Variants in RFX3 observed in about 807,000 individuals in gnomAD.
The protein encoded by RFX3 is transcription factor RFX3.
A neutral mutation model predicts 98.6 loss-of-function variants in RFX3; 14 were observed. The observed-to-expected ratio is 0.14, with a 90% CI of 0.09 to 0.22. The LOEUF is 0.22. Among genes scored for constraint, RFX3 ranks in the 10% least tolerant of loss-of-function variants. The probability of loss-of-function intolerance (pLI) is 1.00; values close to 1 mark genes in which losing one functional copy is unlikely to be tolerated. For missense variants in RFX3, 639 were observed against 926.9 expected, an observed-to-expected ratio of 0.69 and a Z score of 4.03; for synonymous variants, 383 against 328.4, an observed-to-expected ratio of 1.17 and a Z score of -1.80.
chr9:3,305,109 C>T (rs1016086911), intron 4 of RFX3, among the ~76,000 whole-genome samples: 1 of 151,914 alleles, frequency 6.6e-6, no homozygotes, highest in Non-Finnish European at 1.5e-5. Context: ...TAGGAAGAAT[C>T]GACTTAATAG....
intron 8 of RFX3, among the ~76,000 whole-genome samples, chr9:3,276,089 T>G (rs1825176054): frequency 6.6e-6 from 1 of 152,088 alleles, no homozygotes; most frequent in Admixed American, 6.6e-5. Context: ...TTAACAACAT[T>G]AATTTGATGT....
intron 2 of RFX3, among the ~76,000 whole-genome samples, chr9:3,357,255 G>A (rs774447438): frequency 8.6e-5 from 13 of 151,680 alleles, no homozygotes; most frequent in Non-Finnish European, 1.2e-4. Context: ...TAGCCTCTCC[G>A]CTCCTTTATA....
At chr9:3,344,619 T>C in intron 3 of RFX3, 1 of 542,756 alleles carries the variant, frequency 1.8e-6, no homozygotes, top group Non-Finnish European at 3.3e-6. Context: ...TTTTCCCTTG[T>C]CACATTCTAC....
rs1845376155 is a variant in RFX3, at chr9:3,438,745, C to G, written c.-8-43149G>C. Among the ~76,000 whole-genome samples, 6 of 151,980 alleles carry G rather than the reference C, an allele frequency of 3.9e-5. No individual in the cohort carries two copies. In the South Asian group the frequency reaches 1.2e-3, roughly 32 times the overall value. ...GAAATCTAGAGTGGCTATACTGTAT[C>G]AGAAAGAAAGTTGATTTCAGAACAG... On this transcript the variant is annotated intron_variant, in intron 1 of 16. Transcript: ENST00000617270.
intron 1 of RFX3, among the ~76,000 whole-genome samples, chr9:3,463,049 T>C (rs138723037): frequency 6.6e-6 from 1 of 152,190 alleles, no homozygotes; most frequent in African/African-American, 2.4e-5. Context: ...CTTTTAAAAA[T>C]GTATATGAAA....
chr9:3,326,949 A>G (rs974390862), intron 4 of RFX3, among the ~76,000 whole-genome samples: 5 of 152,168 alleles, frequency 3.3e-5, no homozygotes, highest in African/African-American at 7.2e-5. Context: ...TTTCGGCCAC[A>G]GTATATGCTA....
chr9:3,477,517 G>A (rs909278504), intron 1 of RFX3, among the ~76,000 whole-genome samples: 1 of 152,114 alleles, frequency 6.6e-6, no homozygotes, highest in African/African-American at 2.4e-5. Flanking sequence ...AGCCTCCAGG[G>A]TTTCTCGTAA....
chr9:3,353,082 C>T (rs915623621), intron 2 of RFX3, among the ~76,000 whole-genome samples: 2 of 151,416 alleles, frequency 1.3e-5, no homozygotes, highest in South Asian at 4.2e-4. Flanking sequence ...TCATTCTCAG[C>T]AAACTATCGC....
At chr9:3,499,136 A>C (rs1851310969) in intron 1 of RFX3, among the ~76,000 whole-genome samples, 1 of 152,118 alleles carries the variant, frequency 6.6e-6, no homozygotes, top group Admixed American at 6.6e-5. Flanking sequence ...TATCATCTAC[A>C]TTTCAATTAT....
intron 1 of RFX3, among the ~76,000 whole-genome samples, chr9:3,468,280 T>C (rs1266786959): frequency 6.6e-6 from 1 of 152,118 alleles, no homozygotes. Flanking sequence ...AAATAACAAA[T>C]ACTAACATAC....
rs778586900 is a variant in RFX3, at chr9:3,225,242, G to C, written c.2050C>G (p.Leu684Val). The change falls in exon 17 of 17, where the codon CTG becomes GTG. Residue 684 changes from leucine to valine, a missense_variant. Leu to Val is a conservative substitution (Grantham distance 32). Coordinates refer to ENST00000617270, the MANE Select transcript of RFX3 (RefSeq NM_001282116.2). Reference protein sequence around the residue: ...SEVESEMDEELDDSSEPQAKR... With the variant: ...SEVESEMDEEVDDSSEPQAKR... ...GCTTGAGGCTCTGAAGAGTCATCCAGTTCTTCATCCATTTCACTTTCTACT... is the reference window on the plus strand; with the variant it reads ...GCTTGAGGCTCTGAAGAGTCATCCACTTCTTCATCCATTTCACTTTCTACT... The C allele has an allele frequency of 9.9e-6, 16 of 1,613,766 alleles. No homozygotes were observed. The highest frequency in any genetic ancestry group is 1.4e-5 in the Non-Finnish European group (16 of 1,179,890).
chr9:3,313,191 A>ATCAGG (rs1443945262), intron 4 of RFX3, among the ~76,000 whole-genome samples: 1 of 152,158 alleles, frequency 6.6e-6, no homozygotes, highest in Non-Finnish European at 1.5e-5. Context: ...TCAGGCAGCA[A>ATCAGG]CATCTGCCGT....
rs796439492 is a variant in RFX3, at chr9:3,393,632, C to A, written c.117+1840G>T. ...GACATGACAAAAGCTATCCCTTTCTCAATAAGGTTCAGAGTCTTAAAATTG... is the reference window on the plus strand; with the variant it reads ...GACATGACAAAAGCTATCCCTTTCTAAATAAGGTTCAGAGTCTTAAAATTG... On this transcript the variant is annotated intron_variant, in intron 2 of 16. Transcript: ENST00000617270. 7.2e-5 allele frequency among the ~76,000 whole-genome samples: 11 copies of A among 151,878 alleles called. 1 individual carries two copies. Among genetic ancestry groups the A allele is most frequent in the African/African-American group, 2.7e-4 (11 of 41,262 alleles).
chr9:3,395,595 C>T lies in RFX3; in HGVS notation c.-7G>A. On this transcript the variant is annotated splice_region_variant and 5_prime_UTR_variant, in exon 2 of 17. Coordinates refer to ENST00000617270, the MANE Select transcript of RFX3 (RefSeq NM_001282116.2). Reference sequence around the variant, plus strand: ...CAGTCTCTGATGTCTGCATGATGGTCTCTGAAATAGATTAAAATGAAATTA... The same window carrying T: ...CAGTCTCTGATGTCTGCATGATGGTTTCTGAAATAGATTAAAATGAAATTA... 1 of 1,613,220 alleles carries T rather than the reference C, an allele frequency of 6.2e-7. No homozygotes were observed. The highest frequency in any genetic ancestry group is 8.5e-7 in the Non-Finnish European group (1 of 1,179,352).
chr9:3,376,519 A>C (rs1475748464), intron 2 of RFX3, among the ~76,000 whole-genome samples: 2 of 152,208 alleles, frequency 1.3e-5, no homozygotes, highest in Admixed American at 6.5e-5. Context: ...TGAACTCCCA[A>C]AACATTATGA....
intron 3 of RFX3, among the ~76,000 whole-genome samples, chr9:3,333,208 A>C (rs1832791328): frequency 6.6e-6 from 1 of 152,214 alleles, no homozygotes; most frequent in African/African-American, 2.4e-5. Context: ...TTGTTAAAAC[A>C]TGAGAAATTA....
intron 2 of RFX3, among the ~76,000 whole-genome samples, chr9:3,371,881 TG>T (rs952128349): frequency 8.5e-5 from 13 of 152,188 alleles, no homozygotes; most frequent in Non-Finnish European, 1.8e-4. Flanking sequence ...GGAAGGACTA[TG>T]TTTAGGTACC....
rs970545626 is a variant in RFX3, at chr9:3,223,142, C to T, written c.*1900G>A. 2 of 151,594 alleles carry T rather than the reference C, an allele frequency of 1.3e-5. No individual in the cohort carries two copies. The highest frequency in any genetic ancestry group is 4.9e-5 in the African/African-American group (2 of 41,226). 9.4% of individuals were successfully genotyped at this position (151,594 alleles called of 1,614,324 possible). A position where few individuals can be genotyped will look rare whatever the true frequency, so the allele number is the denominator to read the frequency against. On this transcript the variant is annotated 3_prime_UTR_variant, in exon 17 of 17. Coordinates refer to ENST00000617270, the MANE Select transcript of RFX3 (RefSeq NM_001282116.2). ...ATATAGGCCTCATTTGATAATCTGT[C>T]AATCATTTTGTGCTTTCCTTTTTTT...
chr9:3,282,028 T>C (rs529488281), intron 7 of RFX3, among the ~76,000 whole-genome samples: 1 of 151,926 alleles, frequency 6.6e-6, no homozygotes, highest in South Asian at 2.1e-4. Context: ...CATTATGTTT[T>C]GTAATTCCAG....
Sources: gnomAD v4.1 joint callset for allele counts (sites outside exome capture counted in the v4.1 genomes callset) on GRCh38, gnomAD v4.1.1 for gene constraint, MANE v1.5 for transcripts, NCBI Gene and HGNC (gene_info 2026-07-23, HGNC 2026-07-21) for gene names.